ADAMTS3: variants seen among roughly 807,000 people sequenced by gnomAD.
The protein encoded by ADAMTS3 is ADAM metallopeptidase with thrombospondin type 1 motif 3, also known as A disintegrin and metalloproteinase with thrombospondin motifs 3.
ADAMTS3 carries 73 observed loss-of-function variants against 129.0 expected under a neutral mutation model. The ratio of observed to expected loss-of-function variants is 0.57; its 90% CI spans 0.47 to 0.69. The LOEUF is 0.69. ADAMTS3 is among the 30% of genes least tolerant of loss of function. ADAMTS3 has a pLI of 0.00. For missense variants in ADAMTS3, 1,457 were observed against 1,514.5 expected (o/e 0.96, Z 0.63); for synonymous variants, 477 against 510.8 (o/e 0.93, Z 0.89).
chr4:72,373,375 G>T (rs1721059379), intron 4 of ADAMTS3, among the ~76,000 whole-genome samples: 1 of 152,002 alleles, frequency 6.6e-6, no homozygotes, highest in African/African-American at 2.4e-5. Flanking sequence ...TGCCAAAATG[G>T]AAACAACCCA....
intron 19 of ADAMTS3, among the ~76,000 whole-genome samples, chr4:72,294,762 T>G (rs1718762879): frequency 6.6e-6 from 1 of 151,986 alleles, no homozygotes; most frequent in African/African-American, 2.4e-5. Context: ...GCAACTGACT[T>G]TTCAACAGCA....
intron 19 of ADAMTS3, among the ~76,000 whole-genome samples, chr4:72,293,109 T>G (rs888152751): frequency 1.3e-5 from 2 of 152,164 alleles, no homozygotes; most frequent in Non-Finnish European, 2.9e-5. Flanking sequence ...ATATGGAAAC[T>G]AACTCAGCAG....
chr4:72,381,763 A>G (rs1243221684), intron 4 of ADAMTS3, among the ~76,000 whole-genome samples: 1 of 148,974 alleles, frequency 6.7e-6, no homozygotes, highest in South Asian at 2.1e-4. Context: ...ACTATATACC[A>G]TTTTGCAGGA....
At chr4:72,327,229 C>T (rs540783178) in intron 5 of ADAMTS3, among the ~76,000 whole-genome samples, 54 of 152,084 alleles carry the variant, frequency 3.6e-4, no homozygotes, top group Admixed American at 1.1e-3. Flanking sequence ...AGAGAAAGAA[C>T]TAAAAGGATA....
At chr4:72,561,530 A>T (rs1721904668) in intron 2 of ADAMTS3, among the ~76,000 whole-genome samples, 1 of 152,114 alleles carries the variant, frequency 6.6e-6, no homozygotes, top group South Asian at 2.1e-4. Context: ...AAAAAAATGA[A>T]CTTTACATGT....
In ADAMTS3 at chr4:72,437,633, T is replaced by C. The variant is rs547442718; in HGVS notation, c.505-22662A>G. On this transcript the variant is annotated intron_variant, in intron 3 of 21. Transcript: ENST00000286657. ...AACAATTTTCCCCAGTTCCAAAGCT[T>C]TCAGCCAAGCCTCTGTGTTGGTGCA... Among the ~76,000 whole-genome samples, 4 of 151,846 alleles carry C rather than the reference T, an allele frequency of 2.6e-5. No homozygotes were observed. In the East Asian group the frequency reaches 7.8e-4, roughly 30 times the overall value.
intron 3 of ADAMTS3, among the ~76,000 whole-genome samples, chr4:72,525,127 T>A (rs1578761546): frequency 1.3e-5 from 2 of 152,308 alleles, no homozygotes; most frequent in South Asian, 4.1e-4. Context: ...GATCTCTCCA[T>A]TCACCTGTTA....
intron 4 of ADAMTS3, among the ~76,000 whole-genome samples, chr4:72,410,798 AAG>A (rs1028696859): frequency 1.2e-4 from 10 of 81,134 alleles, no homozygotes; most frequent in Non-Finnish European, 1.8e-4. Flanking sequence ...GTCCAAATTA[AAG>A]AGTTTCAAAA....
chr4:72,288,045 T>C (rs764729937), intron 21 of ADAMTS3, among the ~76,000 whole-genome samples: 1 of 152,144 alleles, frequency 6.6e-6, no homozygotes, highest in South Asian at 2.1e-4. Flanking sequence ...TTTGTATTTT[T>C]AGTAGAGACA....
intron 3 of ADAMTS3, among the ~76,000 whole-genome samples, chr4:72,517,981 T>C (rs1285860834): frequency 6.6e-6 from 1 of 151,898 alleles, no homozygotes; most frequent in Non-Finnish European, 1.5e-5. Context: ...TTTAGTGCTA[T>C]AAATTTCCCT....
chr4:72,307,205 T>C (rs1046892440), intron 15 of ADAMTS3, among the ~76,000 whole-genome samples: 3 of 152,020 alleles, frequency 2.0e-5, no homozygotes, highest in Non-Finnish European at 4.4e-5. Flanking sequence ...TTTTTCACAA[T>C]ATTTATTAGT....
intron 3 of ADAMTS3, among the ~76,000 whole-genome samples, chr4:72,459,457 T>A (rs576323928): frequency 1.1e-3 from 165 of 151,732 alleles, no homozygotes; most frequent in African/African-American, 3.9e-3. Context: ...GTACTTAGCA[T>A]AGAATCATGA....
At chr4:72,554,842 T>C (rs1721724040) in intron 2 of ADAMTS3, among the ~76,000 whole-genome samples, 1 of 151,786 alleles carries the variant, frequency 6.6e-6, no homozygotes, top group Non-Finnish European at 1.5e-5. Context: ...AAGGTCCAGA[T>C]TGAAAATACT....
At chr4:72,297,881 C>T (rs1718847675) in intron 18 of ADAMTS3, among the ~76,000 whole-genome samples, 1 of 151,992 alleles carries the variant, frequency 6.6e-6, no homozygotes, top group Non-Finnish European at 1.5e-5. Flanking sequence ...GTCATGTAAC[C>T]AATAGCTCTT....
intron 3 of ADAMTS3, among the ~76,000 whole-genome samples, chr4:72,425,600 T>C (rs997146458): frequency 6.6e-6 from 1 of 152,206 alleles, no homozygotes; most frequent in African/African-American, 2.4e-5. Context: ...TTTTTTGTCT[T>C]TGCAATAGTT....
At chr4:72,343,892 G>A (rs535469791) in intron 4 of ADAMTS3, among the ~76,000 whole-genome samples, 3 of 152,272 alleles carry the variant, frequency 2.0e-5, no homozygotes, top group Admixed American at 2.0e-4. Context: ...CTTAGAGTGA[G>A]TTTTCTTTTT....
At chr4:72,547,720 T>G (rs571371337) in intron 3 of ADAMTS3, among the ~76,000 whole-genome samples, 1 of 152,078 alleles carries the variant, frequency 6.6e-6, no homozygotes, top group African/African-American at 2.4e-5. Flanking sequence ...ACTAGAATAA[T>G]AAAATGAAAA....
chr4:72,522,574 A>C (rs1275618426), intron 3 of ADAMTS3, among the ~76,000 whole-genome samples: 1 of 152,166 alleles, frequency 6.6e-6, no homozygotes, highest in Non-Finnish European at 1.5e-5. Flanking sequence ...TGGTGAAAAA[A>C]GAGTGAACCT....
chr4:72,559,881 G>T (rs1160620901), intron 2 of ADAMTS3, among the ~76,000 whole-genome samples: 1 of 151,596 alleles, frequency 6.6e-6, no homozygotes, highest in Non-Finnish European at 1.5e-5. Context: ...AGCTCATATA[G>T]CCAAGACAGT....
Sources: allele counts gnomAD v4.1 joint callset (sites outside exome capture counted in the v4.1 genomes callset), GRCh38; gene constraint gnomAD v4.1.1; transcripts MANE v1.5; gene names NCBI Gene and HGNC (gene_info 2026-07-23, HGNC 2026-07-21).